EPHA3: variants seen among roughly 807,000 people sequenced by gnomAD.
The protein encoded by EPHA3 is ephrin type-A receptor 3.
A neutral mutation model predicts 107.1 loss-of-function variants in EPHA3; 42 were observed. That is an observed-to-expected ratio of 0.39 (90% CI 0.31 to 0.51). EPHA3 has a LOEUF of 0.51. Ranked by LOEUF, EPHA3 falls within the 20% of genes least tolerant of loss-of-function variation. The pLI is 0.78. For synonymous variants in EPHA3, 461 were observed against 424.8 expected (o/e 1.09, Z -1.05); for missense variants, 1,183 against 1,211.2 (o/e 0.98, Z 0.35).
At chr3:89,415,154 A>G (rs1409055869) in intron 10 of EPHA3, among the ~76,000 whole-genome samples, 1 of 151,528 alleles carries the variant, frequency 6.6e-6, no homozygotes, top group Non-Finnish European at 1.5e-5. Flanking sequence ...TATTATTCCT[A>G]AAAGCTAACA....
At chr3:89,196,068 G>T (rs1399288494) in intron 2 of EPHA3, among the ~76,000 whole-genome samples, 3 of 151,814 alleles carry the variant, frequency 2.0e-5, no homozygotes, top group Admixed American at 6.6e-5. Flanking sequence ...TCTCTCCTCT[G>T]AGGACATACA....
chr3:89,242,303 GATACA>G (rs1704915606), intron 3 of EPHA3, among the ~76,000 whole-genome samples: 1 of 152,188 alleles, frequency 6.6e-6, no homozygotes, highest in South Asian at 2.1e-4. Context: ...TGTCTTGGGA[GATACA>G]CATTGATAAG....
At chr3:89,279,198 T>A (rs1482701752) in intron 3 of EPHA3, among the ~76,000 whole-genome samples, 1 of 152,152 alleles carries the variant, frequency 6.6e-6, no homozygotes, top group African/African-American at 2.4e-5. Context: ...TTTTTTTTAA[T>A]TAACATACAT....
At chr3:89,159,888 A>T (rs1453831661) in intron 2 of EPHA3, among the ~76,000 whole-genome samples, 1 of 152,044 alleles carries the variant, frequency 6.6e-6, no homozygotes, top group Non-Finnish European at 1.5e-5. Flanking sequence ...ACTAGGCTTT[A>T]TATGGGCTAT....
At chr3:89,446,157 A>T (rs1051504647) in intron 13 of EPHA3, among the ~76,000 whole-genome samples, 6 of 152,190 alleles carry the variant, frequency 3.9e-5, no homozygotes, top group Admixed American at 6.5e-5. Flanking sequence ...AATAGACCAC[A>T]TGTAATTGGG....
chr3:89,144,766 A>G (rs1411023790), intron 2 of EPHA3, among the ~76,000 whole-genome samples: 1 of 151,666 alleles, frequency 6.6e-6, no homozygotes, highest in African/African-American at 2.4e-5. Flanking sequence ...TTCTTTTTAC[A>G]GTAATAACAT....
chr3:89,305,853 T>C (rs1354530127), intron 3 of EPHA3, among the ~76,000 whole-genome samples: 1 of 152,154 alleles, frequency 6.6e-6, no homozygotes, highest in Non-Finnish European at 1.5e-5. Flanking sequence ...TTCCTTATTT[T>C]TCTAACATGT....
At chr3:89,442,481 G>T (rs963932409) in intron 13 of EPHA3, among the ~76,000 whole-genome samples, 1 of 152,150 alleles carries the variant, frequency 6.6e-6, no homozygotes. Context: ...GTATTGTCTA[G>T]AGGCATTTTT....
chr3:89,351,177 T>C lies in EPHA3; in HGVS notation c.1306+9087T>C. Among the ~76,000 whole-genome samples, 2 of 151,334 alleles carry C rather than the reference T, an allele frequency of 1.3e-5. 1 individual carries two copies. Among genetic ancestry groups the C allele is most frequent in the Non-Finnish European group, 3.0e-5 (2 of 67,576 alleles). On this transcript the variant is annotated intron_variant, in intron 5 of 16. Coordinates refer to ENST00000336596, the MANE Select transcript of EPHA3 (RefSeq NM_005233.6). ...GAGCTTCCCCGCTGCTTTGTTTACC[T>C]AAGCAAGCCTGGGCAATGGCGGGCG...
chr3:89,378,759 T>C (rs114412769), intron 5 of EPHA3, among the ~76,000 whole-genome samples: 2,435 of 152,300 alleles, frequency 0.016, 67 homozygotes, highest in African/African-American at 0.055. Context: ...GCTGTATTTG[T>C]ATCTGCATGA....
chr3:89,243,114 A>T (rs1304947544), intron 3 of EPHA3, among the ~76,000 whole-genome samples: 1 of 152,004 alleles, frequency 6.6e-6, no homozygotes, highest in East Asian at 1.9e-4. Context: ...ATAGTATTCC[A>T]TGGTGTATAT....
chr3:89,189,865 A>G (rs1344620375), intron 2 of EPHA3, among the ~76,000 whole-genome samples: 4 of 152,188 alleles, frequency 2.6e-5, no homozygotes, highest in African/African-American at 9.7e-5. Flanking sequence ...GCAATTTATT[A>G]TTAGTACGTC....
intron 3 of EPHA3, among the ~76,000 whole-genome samples, chr3:89,253,483 C>G (rs190433674): frequency 6.6e-5 from 10 of 152,280 alleles, no homozygotes; most frequent in Admixed American, 1.3e-4. Flanking sequence ...GAGCACTTCT[C>G]TGTTCCCTGA....
chr3:89,368,745 ATCT>A (rs1559667706), intron 5 of EPHA3, among the ~76,000 whole-genome samples: 1 of 150,230 alleles, frequency 6.7e-6, no homozygotes, highest in Non-Finnish European at 1.5e-5. Flanking sequence ...GTGAGGGTAG[ATCT>A]TCTTTACTCA....
At chr3:89,173,263 G>C (rs1252113640) in intron 2 of EPHA3, among the ~76,000 whole-genome samples, 1 of 151,732 alleles carries the variant, frequency 6.6e-6, no homozygotes, top group South Asian at 2.1e-4. Flanking sequence ...AATGTTTTTT[G>C]TCAGAGGTAT....
intron 5 of EPHA3, among the ~76,000 whole-genome samples, chr3:89,381,287 A>C (rs951809577): frequency 6.6e-6 from 1 of 151,864 alleles, no homozygotes; most frequent in African/African-American, 2.4e-5. Context: ...GCTGGTTTTA[A>C]ACCTGTGTAT....
chr3:89,238,382 T>C (rs1312887413), intron 3 of EPHA3, among the ~76,000 whole-genome samples: 1 of 152,234 alleles, frequency 6.6e-6, no homozygotes, highest in Non-Finnish European at 1.5e-5. Context: ...TTTATTTTGC[T>C]AGTAGCTTGA....
At chr3:89,350,216 C>G (rs1707776379) in intron 5 of EPHA3, among the ~76,000 whole-genome samples, 1 of 150,836 alleles carries the variant, frequency 6.6e-6, no homozygotes, top group Non-Finnish European at 1.5e-5. Flanking sequence ...GAGTGTTTTC[C>G]AACTTGGTTC....
Position 89,120,788 on chromosome 3 carries a change from T to C in EPHA3, c.89-6421T>C, listed in dbSNP as rs191867131. Among the ~76,000 whole-genome samples the C allele has an allele frequency of 1.6e-3, 245 of 152,294 alleles. 1 individual carries two copies. Among genetic ancestry groups the C allele is most frequent in the Admixed American group, 6.5e-4 (10 of 15,294 alleles). ...TAATTGCAATTTCTTCTATAAGATC[T>C]TTATAGAAATAAATCCAAAATTATT... On this transcript the variant is annotated intron_variant, in intron 1 of 16. Coordinates refer to ENST00000336596, the MANE Select transcript of EPHA3 (RefSeq NM_005233.6).
Sources: gnomAD v4.1 joint callset for allele counts (sites outside exome capture counted in the v4.1 genomes callset) on GRCh38, gnomAD v4.1.1 for gene constraint, MANE v1.5 for transcripts, NCBI Gene and HGNC (gene_info 2026-07-23, HGNC 2026-07-21) for gene names.